TENM2: variants seen among roughly 807,000 people sequenced by gnomAD.
The protein encoded by TENM2 is teneurin transmembrane protein 2.
In TENM2, 52 loss-of-function variants were observed where a neutral mutation model predicts 245.2. The observed-to-expected ratio is 0.21, with a 90% CI of 0.17 to 0.27. The LOEUF is 0.27. TENM2 is among the 10% of genes least tolerant of loss of function. The pLI is 1.00. For synonymous variants in TENM2, 1,363 were observed against 1,438.9 expected (o/e 0.95, Z 1.19); for missense variants, 3,046 against 3,666.8 (o/e 0.83, Z 4.37).
chr5:167,772,311 C>A (rs1266021237), intron 2 of TENM2, among the ~76,000 whole-genome samples: 1 of 152,112 alleles, frequency 6.6e-6, no homozygotes, highest in Non-Finnish European at 1.5e-5. Flanking sequence ...AGAAAAGTGG[C>A]AGAGATTATG....
chr5:168,047,650 CA>C, intron 6 of TENM2, 101 bp downstream of exon 8: 1 of 1,375,298 alleles, frequency 7.3e-7, no homozygotes. Flanking sequence ...GAAGGTATGC[CA>C]AAAGAAAAAG....
chr5:167,053,352 C>T, the TENM2 span, among the ~76,000 whole-genome samples: 1 of 152,192 alleles, frequency 6.6e-6, no homozygotes, highest in Non-Finnish European at 1.5e-5. Flanking sequence ...ATATCTCAGA[C>T]TCGGAAGCAC....
intron 3 of TENM2, among the ~76,000 whole-genome samples, chr5:167,896,710 T>G (rs1318547710): frequency 6.6e-6 from 1 of 152,144 alleles, no homozygotes; most frequent in African/African-American, 2.4e-5. Context: ...TTATGATAAC[T>G]CTGGTAAAAG....
intron 5 of TENM2, among the ~76,000 whole-genome samples, chr5:168,018,822 C>CT (rs1215767832): frequency 3.3e-5 from 5 of 152,114 alleles, no homozygotes; most frequent in Admixed American, 1.3e-4. Context: ...TCTCTAAGAC[C>CT]TTAGTGATGC....
At chr5:168,180,950 G>A (rs1759822292) in intron 13 of TENM2, among the ~76,000 whole-genome samples, 1 of 151,906 alleles carries the variant, frequency 6.6e-6, no homozygotes, top group Non-Finnish European at 1.5e-5. Flanking sequence ...TTAGTCTCAG[G>A]AATTCAGTAC....
the TENM2 span, among the ~76,000 whole-genome samples, chr5:167,040,573 C>A: frequency 6.6e-6 from 1 of 152,114 alleles, no homozygotes; most frequent in South Asian, 2.1e-4. Flanking sequence ...ACCTTGAATA[C>A]CTATTCGTCA....
At chr5:167,951,408 A>G (rs1472239853) in intron 3 of TENM2, among the ~76,000 whole-genome samples, 1 of 152,238 alleles carries the variant, frequency 6.6e-6, no homozygotes, top group Non-Finnish European at 1.5e-5. Context: ...GTCATGTTTC[A>G]GCATCCATTA....
At chr5:167,573,833 G>A (rs891166051) in intron 2 of TENM2, 1 of 149,330 alleles carries the variant, frequency 6.7e-6, no homozygotes, top group South Asian at 2.1e-4. Flanking sequence ...GGACTTAAAA[G>A]GGACAACAAA....
chr5:167,302,629 A>T (rs1755408863), intron 1 of TENM2, among the ~76,000 whole-genome samples: 1 of 151,494 alleles, frequency 6.6e-6, no homozygotes, highest in Admixed American at 6.6e-5. Flanking sequence ...GGGTGCAGAG[A>T]TAAGGGGTCA....
Position 167,478,990 on chromosome 5 carries a change from A to ATATGTGTGTGTG in TENM2, c.502+103518_502+103519insATGTGTGTGTGT, listed in dbSNP as rs1554163338. On this transcript the variant is annotated intron_variant, in intron 2 of 28. Coordinates refer to ENST00000518659, the Ensembl canonical transcript of TENM2. ...GATTGCATATGACTACTTTATATAT[A>ATATGTGTGTGTG]TGTGTGTGTGTGTGTATACAGGTAC... Among the ~76,000 whole-genome samples, 1,024 of 151,364 alleles carry ATATGTGTGTGTG rather than the reference A, an allele frequency of 6.8e-3. 7 individuals carry two copies. Among genetic ancestry groups the ATATGTGTGTGTG allele is most frequent in the East Asian group, 0.025 (131 of 5,156 alleles).
chr5:167,257,818 A>T, the TENM2 span, among the ~76,000 whole-genome samples: 1 of 152,172 alleles, frequency 6.6e-6, no homozygotes, highest in African/African-American at 2.4e-5. Context: ...TGTAGTGATT[A>T]AAATATGTCA....
Position 167,729,984 on chromosome 5 carries a change from ATAGT to A in TENM2, c.503-145998_503-145995del, listed in dbSNP as rs1453692023. Among the ~76,000 whole-genome samples the A allele has an allele frequency of 2.6e-5, 4 of 152,158 alleles. No individual in the cohort carries two copies. In the East Asian group the frequency reaches 5.8e-4, roughly 22 times the overall value. On this transcript the variant is annotated intron_variant, in intron 2 of 28. Transcript: ENST00000518659. The stretch of plus-strand genomic sequence containing the variant: ...AAAGAGATCTATCTCTCTGCTCTTG[ATAGT>A]TAGAATTATTGCGTCTCCTTGATAA...
chr5:168,067,140 A>C (rs1374845317), intron 7 of TENM2, among the ~76,000 whole-genome samples: 1 of 152,212 alleles, frequency 6.6e-6, no homozygotes, highest in Non-Finnish European at 1.5e-5. Flanking sequence ...AGCAAATATT[A>C]AAAATGCCTA....
chr5:167,053,904 A>G, the TENM2 span, among the ~76,000 whole-genome samples: 1 of 152,066 alleles, frequency 6.6e-6, no homozygotes, highest in Admixed American at 6.6e-5. Context: ...TTTTAGAAGG[A>G]GTTTTAAGTT....
At chr5:167,260,282 C>A in the TENM2 span, among the ~76,000 whole-genome samples, 2 of 151,548 alleles carry the variant, frequency 1.3e-5, no homozygotes, top group Admixed American at 1.3e-4. Flanking sequence ...TTGTTTGTTC[C>A]TTTTTGGAGG....
At chr5:167,250,006 A>G in the TENM2 span, among the ~76,000 whole-genome samples, 1 of 152,168 alleles carries the variant, frequency 6.6e-6, no homozygotes, top group Non-Finnish European at 1.5e-5. Context: ...GCCATACATG[A>G]TGTTTCTGTG....
chr5:167,273,952 A>G, the TENM2 span, among the ~76,000 whole-genome samples: 1 of 152,246 alleles, frequency 6.6e-6, no homozygotes, highest in East Asian at 1.9e-4. Flanking sequence ...GTATGCAGCC[A>G]GAAGGAAGTA....
rs148824626 is a variant in TENM2, at chr5:167,582,923, G to T, written c.502+207450G>T. ...ACGTTGTAATTTTATTTGTTCTTAT[G>T]AACTAAGTGTCCCTGATGTTGGAAA... On this transcript the variant is annotated intron_variant, in intron 2 of 28. Transcript: ENST00000518659. Among the ~76,000 whole-genome samples the T allele has an allele frequency of 5.2e-3, 789 of 152,202 alleles. 6 individuals are homozygous for T. The highest frequency in any genetic ancestry group is 0.018 in the African/African-American group (749 of 41,524).
chr5:167,864,835 A>G (rs932556977), intron 2 of TENM2, among the ~76,000 whole-genome samples: 1 of 152,240 alleles, frequency 6.6e-6, no homozygotes, highest in Non-Finnish European at 1.5e-5. Context: ...GGGCTTGGAA[A>G]TAATACCTGG....
Sources: gnomAD v4.1 joint callset for allele counts (sites outside exome capture counted in the v4.1 genomes callset) on GRCh38, gnomAD v4.1.1 for gene constraint, MANE v1.5 for transcripts, NCBI Gene and HGNC (gene_info 2026-07-23, HGNC 2026-07-21) for gene names.